The following AQR variants were observed in gnomAD, a reference collection of about 807,000 sequenced individuals.
AQR encodes the protein aquarius intron-binding spliceosomal factor, also known as RNA helicase aquarius.
A neutral mutation model predicts 180.5 loss-of-function variants in AQR; 61 were observed. The observed-to-expected ratio is 0.34, with a 90% CI of 0.28 to 0.42. The LOEUF is 0.42. AQR is among the 10% of genes least tolerant of loss of function. The pLI is 1.00. For missense variants in AQR, 1,281 were observed against 1,798.3 expected (o/e 0.71, Z 5.20); for synonymous variants, 551 against 588.8 (o/e 0.94, Z 0.93).
rs1389064879 is a variant in AQR at position 34,874,716 on chromosome 15, G to A, written c.3386C>T (p.Pro1129Leu). The A allele has an allele frequency of 1.2e-6, 2 of 1,613,634 alleles. No homozygotes were observed. Among genetic ancestry groups the A allele is most frequent in the East Asian group, 2.2e-5 (1 of 44,868 alleles). ...CCCTTGAGCATCAAGGTCAACAGTC[G>A]GAACTCCAACGCGAACAAAGCGAGT... ...LFTRFVRVGV[P>L]TVDLDAQGRA... Residue 1129 changes from proline (P) to leucine (L), a missense_variant, in exon 29 of 35, where the codon CCG (proline) becomes CTG (leucine). Transcript: ENST00000156471.
intron 6 of AQR, chr15:34,943,480 TAAAA>T (rs869195592): frequency 5.8e-5 from 24 of 415,220 alleles, no homozygotes; most frequent in African/African-American, 1.4e-4. Flanking sequence ...AATAAATAAA[TAAAA>T]ATAAATGTTA....
In AQR at chr15:34,905,266, T is replaced by C. The variant is rs553705319; in HGVS notation, c.1832-761A>G. 7.2e-5 allele frequency among the ~76,000 whole-genome samples: 11 copies of C among 152,118 alleles called. No homozygotes were observed. In the South Asian group the frequency reaches 8.3e-4, roughly 11 times the overall value. On this transcript the variant is annotated intron_variant, in intron 18 of 34. Transcript: ENST00000156471. ...AATGATATAATCTCTAAACCACAGATAGCATAAACTGACTAAAGTTTCAAA... is the reference window on the plus strand; with the variant it reads ...AATGATATAATCTCTAAACCACAGACAGCATAAACTGACTAAAGTTTCAAA...
intron 27 of AQR, among the ~76,000 whole-genome samples, chr15:34,881,105 GTTAA>G (rs1892967119): frequency 6.6e-6 from 1 of 152,152 alleles, no homozygotes; most frequent in Non-Finnish European, 1.5e-5. Flanking sequence ...AGCAAAAAAT[GTTAA>G]TTATGGTTGC....
chr15:34,861,824 T>C (rs979876246), intron 33 of AQR, among the ~76,000 whole-genome samples: 3 of 152,186 alleles, frequency 2.0e-5, no homozygotes, highest in Non-Finnish European at 2.9e-5. Flanking sequence ...AGGCACTTTT[T>C]ATAAAGTACT....
intron 27 of AQR, among the ~76,000 whole-genome samples, chr15:34,876,472 A>G (rs1441940148): frequency 6.6e-6 from 1 of 152,034 alleles, no homozygotes; most frequent in Non-Finnish European, 1.5e-5. Context: ...TGGGCATTCA[A>G]TCCATCACCA....
intron 30 of AQR, 144 bp from the exon 31 acceptor site, chr15:34,871,066 C>T (rs1892809096): frequency 4.4e-6 from 3 of 679,684 alleles, no homozygotes; most frequent in Non-Finnish European, 7.2e-6. Context: ...AAGTGAGTAC[C>T]TTTCATAAAA....
In AQR at chr15:34,964,269, G is replaced by C; in HGVS notation, c.97C>G (p.Pro33Ala). Residue 33 changes from proline to alanine, a missense_variant, in exon 2 of 35, where the codon CCC (proline) becomes GCC (alanine). By Grantham distance (27) the Pro-to-Ala change is conservative (BLOSUM62 -1). Transcript: ENST00000156471. ...VTQLACKYWA[P>A]HIKKKSPFDI... ...AAAGGTGATTTCTTCTTGATGTGGG[G>C]AGCCCAGTATTTACATGCTAACTGC... 6.2e-7 allele frequency: 1 copy of C among 1,608,418 alleles called. No homozygotes were observed. Among genetic ancestry groups the C allele is most frequent in the Non-Finnish European group, 8.5e-7 (1 of 1,176,166 alleles).
chr15:34,896,878 G>A lies in AQR; in HGVS notation c.2460+19C>T, dbSNP rs1893252994. 6.3e-7 allele frequency: 1 copy of A among 1,579,792 alleles called. No individual in the cohort carries two copies. Among genetic ancestry groups the A allele is most frequent in the Admixed American group, 1.7e-5 (1 of 59,572 alleles). On this transcript the variant is annotated intron_variant, in intron 22 of 34. Transcript: ENST00000156471. ...AAACAAACAAACAAACAAACAAACA[G>A]GTGTAACAATTCTCTTACCATAGTC...
At chr15:34,867,972 G>C (rs1892760973) in intron 31 of AQR, 1 of 191,216 alleles carries the variant, frequency 5.2e-6, no homozygotes, top group African/African-American at 2.4e-5. Context: ...ATATAACTTA[G>C]TATGCTTATT....
intron 13 of AQR, among the ~76,000 whole-genome samples, chr15:34,924,961 AG>A (rs1893738181): frequency 6.6e-6 from 1 of 151,616 alleles, no homozygotes; most frequent in African/African-American, 2.4e-5. Flanking sequence ...TTTAAAATAT[AG>A]GAAAACATTT....
chr15:34,914,121 G>A (rs762370454), intron 16 of AQR, among the ~76,000 whole-genome samples: 94 of 152,262 alleles, frequency 6.2e-4, no homozygotes, highest in Admixed American at 2.5e-3. Flanking sequence ...ATAAAATGCA[G>A]TATAATCGTG....
chr15:34,875,203 G>C (rs2140463438), intron 28 of AQR, among the ~76,000 whole-genome samples: 1 of 152,266 alleles, frequency 6.6e-6, no homozygotes, highest in East Asian at 1.9e-4. Context: ...AGAAGCCCAA[G>C]AAGAGAAATG....
intron 2 of AQR, among the ~76,000 whole-genome samples, chr15:34,961,696 C>G (rs2050280677): frequency 6.9e-6 from 1 of 144,870 alleles, no homozygotes; most frequent in African/African-American, 2.6e-5. Flanking sequence ...AGAACTCAGA[C>G]TCTCGAATTG....
intron 10 of AQR, among the ~76,000 whole-genome samples, chr15:34,934,276 C>T (rs1893912105): frequency 6.8e-6 from 1 of 146,536 alleles, no homozygotes; most frequent in African/African-American, 2.5e-5. Flanking sequence ...ATATTGTATA[C>T]AATACTATAT....
At chr15:34,925,014 A>G (rs566413803) in intron 13 of AQR, among the ~76,000 whole-genome samples, 1 of 152,074 alleles carries the variant, frequency 6.6e-6, no homozygotes, top group Non-Finnish European at 1.5e-5. Flanking sequence ...AAAGCATCTA[A>G]TATAGTTATT....
chr15:34,940,810 A>G (rs1894011940), intron 8 of AQR, 89 bp downstream of exon 8: 1 of 972,724 alleles, frequency 1.0e-6, no homozygotes, highest in Admixed American at 2.2e-5. Context: ...TCAGCACTAT[A>G]TAAAGGGAAA....
chr15:34,961,368 T>C (rs1002608053), intron 2 of AQR, among the ~76,000 whole-genome samples: 2 of 151,970 alleles, frequency 1.3e-5, no homozygotes, highest in South Asian at 2.1e-4. Context: ...TCCGAGCACT[T>C]TGGGAGGCCG....
intron 18 of AQR, among the ~76,000 whole-genome samples, chr15:34,905,187 TCTC>T (rs1893392609): frequency 1.3e-5 from 2 of 151,844 alleles, no homozygotes; most frequent in African/African-American, 4.9e-5. Context: ...TCCATTCCCT[TCTC>T]CTATTTCCTC....
At chr15:34,889,058 T>A (rs1893102126) in intron 24 of AQR, among the ~76,000 whole-genome samples, 1 of 152,220 alleles carries the variant, frequency 6.6e-6, no homozygotes, top group Non-Finnish European at 1.5e-5. Flanking sequence ...TAAATTCGAC[T>A]TCAATATAAT....
Sources: gnomAD v4.1 joint callset for allele counts (sites outside exome capture counted in the v4.1 genomes callset) on GRCh38, gnomAD v4.1.1 for gene constraint, MANE v1.5 for transcripts, NCBI Gene and HGNC (gene_info 2026-07-23, HGNC 2026-07-21) for gene names.